SPICE1: variants seen among roughly 807,000 people sequenced by gnomAD.
SPICE1 encodes spindle and centriole associated protein 1, also known as spindle and centriole-associated protein 1.
In SPICE1, 75 loss-of-function variants were observed where a neutral mutation model predicts 102.7. The observed-to-expected ratio is 0.73, with a 90% CI of 0.61 to 0.88. SPICE1 has a LOEUF of 0.88. Among genes scored for constraint, SPICE1 ranks in the 40% least tolerant of loss-of-function variants. SPICE1 has a pLI of 0.00. For missense variants in SPICE1, 979 were observed against 1,020.1 expected, an observed-to-expected ratio of 0.96 and a Z score of 0.55; for synonymous variants, 308 against 350.3, an observed-to-expected ratio of 0.88 and a Z score of 1.35.
Position 113,493,402 on chromosome 3 carries a change from A to C in SPICE1, c.386-90T>G, listed in dbSNP as rs1936808480. ...TACTGCCATTGGTTTGCATCATCAT[A>C]TGAAAATCTTAAACAGCAGCTCACA... On this transcript the variant is annotated intron_variant, in intron 5 of 17. Transcript: ENST00000295872. 3 of 1,008,722 alleles carry C rather than the reference A, an allele frequency of 3.0e-6. No individual in the cohort carries two copies. In the Admixed American group the frequency reaches 5.9e-5, roughly 20 times the overall value. 62.5% of individuals were successfully genotyped at this position (1,008,722 alleles called of 1,614,324 possible).
At chr3:113,446,711 A>G in intron 16 of SPICE1, 35 bp from the exon 17 acceptor site, 1 of 1,496,082 alleles carries the variant, frequency 6.7e-7, no homozygotes, top group Non-Finnish European at 9.3e-7. Flanking sequence ...TAAGAGAGTG[A>G]GCTATCATTA....
chr3:113,503,267 G>T lies in SPICE1; in HGVS notation c.100-40C>A, dbSNP rs760942437. 78 of 1,289,266 alleles carry T rather than the reference G, an allele frequency of 6.0e-5. No homozygotes were observed. The East Asian group carries it at 1.9e-3, about 32-fold the overall frequency. 79.9% of individuals were successfully genotyped at this position (1,289,266 alleles called of 1,614,324 possible). A position where few individuals can be genotyped will look rare whatever the true frequency, so the allele number is the denominator to read the frequency against. On this transcript the variant is annotated intron_variant, in intron 2 of 17. Coordinates refer to ENST00000295872, the MANE Select transcript of SPICE1 (RefSeq NM_144718.4). ...GGCCTTTCTTTAAAAAAAAAAAAAA[G>T]TTTTCTTATAAAATATACACATTTA... is the stretch of plus-strand genomic sequence containing the variant.
At position 113,448,044 on chromosome 3, in the gene SPICE1, G is replaced by C. The variant is rs1935557192; in HGVS notation, c.2420C>G (p.Thr807Arg). The C allele has an allele frequency of 6.3e-7, 1 of 1,596,306 alleles. No homozygotes were observed. Among genetic ancestry groups the C allele is most frequent in the Non-Finnish European group, 8.5e-7 (1 of 1,173,030 alleles). The part of the protein sequence containing the change: ...STVSPVSGIN[T>R]RRSSGATGNS... ...TATTCACACTGCAACTTACCTTCTT[G>C]TATTTATCCCGCTGACGGGAGAGAC... The change falls in exon 16 of 18, where the codon ACA becomes AGA. Residue 807 changes from threonine to arginine, a missense_variant. Coordinates refer to ENST00000295872, the MANE Select transcript of SPICE1 (RefSeq NM_144718.4).
At chr3:113,480,935 G>GAAAGAAAGAAAGAAAGAAAGAAAGA (rs1936484920) in intron 7 of SPICE1, among the ~76,000 whole-genome samples, 1 of 14,202 alleles carries the variant, frequency 7.0e-5, no homozygotes, top group Non-Finnish European at 1.5e-4. Flanking sequence ...AAAGAAAAAA[G>GAAAGAAAGAAAGAAAGAAAGAAAGA]ACCTCAGTAC....
At chr3:113,473,098 G>A (rs894071268) in intron 7 of SPICE1, among the ~76,000 whole-genome samples, 2 of 152,206 alleles carry the variant, frequency 1.3e-5, no homozygotes, top group African/African-American at 2.4e-5. Flanking sequence ...TAAAGGAGCT[G>A]ATGGAGCTGA....
intron 11 of SPICE1, among the ~76,000 whole-genome samples, chr3:113,461,789 T>C (rs1200215940): frequency 6.6e-6 from 1 of 152,128 alleles, no homozygotes; most frequent in Non-Finnish European, 1.5e-5. Context: ...ATACAGACAT[T>C]TGATAAAAGT....
rs774345857 is a variant in SPICE1, at chr3:113,453,506, C to G, written c.2102G>C (p.Arg701Pro). The change falls in exon 14 of 18, where the codon CGG becomes CCG. Residue 701 changes from arginine (R) to proline (P), a missense_variant. Physicochemically the swap from Arg to Pro is moderately radical, Grantham distance 103. Coordinates refer to ENST00000295872, the MANE Select transcript of SPICE1 (RefSeq NM_144718.4). ...EPRGEQGDGLRELNKQESASD... is the reference protein window; with the variant it reads ...EPRGEQGDGLPELNKQESASD... ...TGCACTTTCTTGTTTGTTCAACTCC[C>G]GGAGTCCATCCCCTTGCTCTCCTCT... 6.2e-7 allele frequency: 1 copy of G among 1,612,810 alleles called. No homozygotes were observed. The highest frequency in any genetic ancestry group is 1.3e-5 in the African/African-American group (1 of 74,874).
chr3:113,490,725 G>A (rs1936747636), intron 6 of SPICE1, among the ~76,000 whole-genome samples: 1 of 152,126 alleles, frequency 6.6e-6, no homozygotes, highest in Middle Eastern at 3.4e-3. Context: ...CAGAAACTTT[G>A]TTCCTGCCAA....
At chr3:113,506,328 T>G (rs1462240416) in intron 2 of SPICE1, among the ~76,000 whole-genome samples, 179 bp downstream of exon 2, 3 of 152,050 alleles carry the variant, frequency 2.0e-5, no homozygotes, top group Non-Finnish European at 4.4e-5. Context: ...TCTAAAAACC[T>G]CCCCCAAAGG....
chr3:113,466,068 T>C lies in SPICE1; in HGVS notation c.1156-284A>G, dbSNP rs998694725. On this transcript the variant is annotated intron_variant, in intron 10 of 17. Coordinates refer to ENST00000295872, the MANE Select transcript of SPICE1 (RefSeq NM_144718.4). Reference sequence around the variant, plus strand: ...TAGAGGGATATACATATACATATTATTTGAATATACACTGACCATCTCTAG... The same window carrying C: ...TAGAGGGATATACATATACATATTACTTGAATATACACTGACCATCTCTAG... Among the ~76,000 whole-genome samples the C allele has an allele frequency of 8.5e-5, 13 of 152,334 alleles. No individual in the cohort carries two copies. The South Asian group carries it at 1.2e-3, about 15-fold the overall frequency.
At chr3:113,499,899 T>C (rs888358399) in intron 3 of SPICE1, among the ~76,000 whole-genome samples, 2 of 152,196 alleles carry the variant, frequency 1.3e-5, no homozygotes, top group African/African-American at 2.4e-5. Context: ...ACTTAATGGA[T>C]GATAAAATCA....
At chr3:113,499,380 A>G in intron 4 of SPICE1, 59 bp downstream of exon 4, 1 of 1,544,196 alleles carries the variant, frequency 6.5e-7, no homozygotes, top group Non-Finnish European at 8.7e-7. Context: ...TTGAAGAAAA[A>G]CAAAGAACCC....
intron 16 of SPICE1, among the ~76,000 whole-genome samples, chr3:113,447,422 GT>G (rs1935544261): frequency 6.6e-6 from 1 of 152,090 alleles, no homozygotes; most frequent in Non-Finnish European, 1.5e-5. Context: ...TTACATCAGG[GT>G]TCACTCTCTG....
At chr3:113,473,392 T>C (rs1423243117) in intron 7 of SPICE1, among the ~76,000 whole-genome samples, 3 of 151,940 alleles carry the variant, frequency 2.0e-5, no homozygotes, top group Non-Finnish European at 1.5e-5. Context: ...ACTTCCCCAA[T>C]CTAGCAAGGC....
intron 7 of SPICE1, among the ~76,000 whole-genome samples, chr3:113,476,857 T>C (rs1055250407): frequency 3.7e-4 from 56 of 151,554 alleles, no homozygotes; most frequent in Non-Finnish European, 7.2e-4. Flanking sequence ...GGCATTACCA[T>C]TCAGGACATA....
chr3:113,468,098 T>C, intron 10 of SPICE1, 41 bp downstream of exon 10: 1 of 1,568,482 alleles, frequency 6.4e-7, no homozygotes, highest in Non-Finnish European at 8.6e-7. Context: ...ACTCATGCAT[T>C]TCTGCCTGAA....
intron 1 of SPICE1, 147 bp downstream of exon 1, chr3:113,514,750 C>T: frequency 2.3e-6 from 3 of 1,288,194 alleles, no homozygotes; most frequent in Non-Finnish European, 3.0e-6. Context: ...CTCTCTCCTG[C>T]TACACGGTGA....
intron 16 of SPICE1, among the ~76,000 whole-genome samples, chr3:113,447,221 A>G (rs1371654935): frequency 1.3e-5 from 2 of 152,162 alleles, no homozygotes; most frequent in Non-Finnish European, 2.9e-5. Flanking sequence ...ACTAATACAA[A>G]TATAATTTAA....
intron 7 of SPICE1, among the ~76,000 whole-genome samples, chr3:113,475,479 CAA>C (rs1001641968): frequency 4.6e-5 from 7 of 151,262 alleles, no homozygotes; most frequent in African/African-American, 1.5e-4. Context: ...GAGACACAAC[CAA>C]AAAAGAGAAT....
Sources: gnomAD v4.1 joint callset for allele counts (sites outside exome capture counted in the v4.1 genomes callset) on GRCh38, gnomAD v4.1.1 for gene constraint, MANE v1.5 for transcripts, NCBI Gene and HGNC (gene_info 2026-07-23, HGNC 2026-07-21) for gene names.